Variants in DYNC2H1 observed in about 807,000 individuals in gnomAD.
DYNC2H1 encodes the protein cytoplasmic dynein 2 heavy chain 1.
A neutral mutation model predicts 570.0 loss-of-function variants in DYNC2H1; 410 were observed. The ratio of observed to expected loss-of-function variants is 0.72; its 90% CI spans 0.66 to 0.78. The LOEUF (loss-of-function observed/expected upper bound fraction) is 0.78, where lower values mean the gene tolerates loss of function less well. Among genes scored for constraint, DYNC2H1 ranks in the 30% least tolerant of loss-of-function variants. DYNC2H1 has a pLI of 0.00. For missense variants in DYNC2H1, 4,865 were observed against 5,046.4 expected (o/e 0.96, Z 1.09); for synonymous variants, 1,688 against 1,677.6 (o/e 1.01, Z -0.15).
intron 84 of DYNC2H1, among the ~76,000 whole-genome samples, chr11:103,420,969 T>G (rs1314068040): frequency 1.3e-5 from 2 of 152,090 alleles, no homozygotes; most frequent in Non-Finnish European, 2.9e-5. Context: ...TGGTATGCTG[T>G]CCTCGAGAGA....
chr11:103,415,328 A>G (rs193103332), intron 84 of DYNC2H1, among the ~76,000 whole-genome samples: 337 of 152,354 alleles, frequency 2.2e-3, no homozygotes, highest in Non-Finnish European at 4.0e-3. Context: ...ATGAGATCTA[A>G]TTAAACTAAA....
intron 84 of DYNC2H1, among the ~76,000 whole-genome samples, chr11:103,429,045 G>C (rs1297129257): frequency 3.9e-5 from 4 of 101,944 alleles, no homozygotes; most frequent in African/African-American, 9.4e-5. Context: ...CAGATCACTT[G>C]AGCCTAGGAG....
At chr11:103,172,198 C>T (rs987248116) in intron 34 of DYNC2H1, among the ~76,000 whole-genome samples, 1 of 152,096 alleles carries the variant, frequency 6.6e-6, no homozygotes, top group Admixed American at 6.6e-5. Context: ...GTGAGAATTA[C>T]CTGCCTTCAA....
intron 82 of DYNC2H1, among the ~76,000 whole-genome samples, chr11:103,349,247 A>G (rs368867078): frequency 1.9e-3 from 292 of 152,242 alleles, no homozygotes; most frequent in South Asian, 9.7e-3. Context: ...CTTTTAATTA[A>G]CTGCAAAACT....
At chr11:103,211,684 A>G in intron 53 of DYNC2H1, 105 bp from the exon 54 acceptor site, 1 of 477,480 alleles carries the variant, frequency 2.1e-6, no homozygotes, top group Non-Finnish European at 3.5e-6. Context: ...ATAACTATAT[A>G]GCATGGAAGT....
At chr11:103,433,661 A>G (rs1943969913) in intron 84 of DYNC2H1, among the ~76,000 whole-genome samples, 1 of 152,122 alleles carries the variant, frequency 6.6e-6, no homozygotes, top group South Asian at 2.1e-4. Flanking sequence ...CCTCACATGC[A>G]AAATACAACC....
rs1307551296 is a variant in DYNC2H1 at position 103,324,478 on chromosome 11, C to T, written c.12039+488C>T. Among the ~76,000 whole-genome samples the T allele has an allele frequency of 6.6e-6, 1 of 152,176 alleles. No homozygotes were observed. Among genetic ancestry groups the T allele is most frequent in the Non-Finnish European group, 1.5e-5 (1 of 68,026 alleles). On this transcript the variant is annotated intron_variant, in intron 82 of 88. Coordinates refer to ENST00000375735, the MANE Select transcript of DYNC2H1 (RefSeq NM_001377.3). This position sits in a 1 kb window ranked among gnomAD's most constrained non-coding sequence, Gnocchi z 5.2. ...TATGAAAATGATCTCCAGCTCCATC[C>T]ATCCTTGCTGTGAAGGACATGGTCT...
At chr11:103,174,235 T>C in intron 36 of DYNC2H1, 65 bp downstream of exon 36, 1 of 1,362,194 alleles carries the variant, frequency 7.3e-7, no homozygotes, top group Non-Finnish European at 1.0e-6. Context: ...TTTAGAATAG[T>C]TTGAGATTTA....
At chr11:103,382,333 A>AT (rs1260315804) in intron 83 of DYNC2H1, among the ~76,000 whole-genome samples, 2 of 152,116 alleles carry the variant, frequency 1.3e-5, no homozygotes, top group Non-Finnish European at 2.9e-5. Context: ...CAGTAACTAT[A>AT]TTTTTGTCCA....
At chr11:103,195,106 C>T (rs1212039330) in intron 47 of DYNC2H1, among the ~76,000 whole-genome samples, 1 of 152,054 alleles carries the variant, frequency 6.6e-6, no homozygotes, top group Non-Finnish European at 1.5e-5. Context: ...ATATATTCTC[C>T]CTCTCAGTAG....
chr11:103,153,630 A>G, intron 22 of DYNC2H1, 122 bp downstream of exon 22: 1 of 907,166 alleles, frequency 1.1e-6, no homozygotes. Context: ...CACTTTTTAA[A>G]CTACAAATAA....
intron 31 of DYNC2H1, among the ~76,000 whole-genome samples, chr11:103,167,519 C>T (rs1016377605): frequency 5.3e-5 from 8 of 152,074 alleles, no homozygotes; most frequent in Non-Finnish European, 8.8e-5. Flanking sequence ...CCTCCTGCCT[C>T]GGCCTCCCAA....
chr11:103,275,670 T>C lies in DYNC2H1; in HGVS notation c.10696-4678T>C, dbSNP rs950873494. ...CTTACTATTGTACGTTTAAGGTTCT[T>C]TCATGTTTTTTTCATGGTGTAATAT... On this transcript the variant is annotated intron_variant, in intron 70 of 88. Coordinates refer to ENST00000375735, the MANE Select transcript of DYNC2H1 (RefSeq NM_001377.3). The surrounding 1 kb of genome is among the most constrained non-coding windows in gnomAD (Gnocchi z 4.8). Among the ~76,000 whole-genome samples the C allele has an allele frequency of 6.6e-6, 1 of 152,178 alleles. No individual in the cohort carries two copies. Among genetic ancestry groups the C allele is most frequent in the Non-Finnish European group, 1.5e-5 (1 of 68,024 alleles).
chr11:103,311,846 A>T, intron 78 of DYNC2H1, 32 bp from the exon 79 acceptor site: 1 of 1,569,498 alleles, frequency 6.4e-7, no homozygotes, highest in Admixed American at 2.0e-5. Flanking sequence ...GTAGGATTTT[A>T]GCAATAGGAT....
chr11:103,115,132 TCTCTGATATTCTATGCCA>T, intron 3 of DYNC2H1, 27 bp from the exon 4 acceptor site: 1 of 1,399,196 alleles, frequency 7.1e-7, no homozygotes, highest in Admixed American at 2.0e-5. Flanking sequence ...CATTTTTTTT[TCTCTGATATTCTATGCCA>T]TTTTTTTCCC....
At chr11:103,263,321 A>G (rs1312293224) in intron 70 of DYNC2H1, among the ~76,000 whole-genome samples, 3 of 152,178 alleles carry the variant, frequency 2.0e-5, no homozygotes, top group Non-Finnish European at 4.4e-5. Flanking sequence ...TAACAAGGGT[A>G]TTCAGGAGTC....
chr11:103,365,339 C>T (rs1288353917), intron 83 of DYNC2H1, among the ~76,000 whole-genome samples: 2 of 147,440 alleles, frequency 1.4e-5, no homozygotes, highest in East Asian at 4.0e-4. Context: ...CCAGCCTGGG[C>T]AACAAGAGCG....
intron 48 of DYNC2H1, among the ~76,000 whole-genome samples, chr11:103,198,362 A>T (rs1862583247): frequency 6.6e-6 from 1 of 152,190 alleles, no homozygotes. Flanking sequence ...AGAGAGCATT[A>T]GAGTCATGTA....
In DYNC2H1 at chr11:103,406,255, G is replaced by A. The variant is rs536989134; in HGVS notation, c.12366+6383G>A. 5.3e-5 allele frequency: 8 copies of A among 151,998 alleles called. No homozygotes were observed. In the South Asian group the frequency reaches 1.2e-3, roughly 24 times the overall value. 9.4% of individuals were successfully genotyped at this position (151,998 alleles called of 1,614,324 possible). On this transcript the variant is annotated intron_variant, in intron 84 of 88. Transcript: ENST00000375735. ...TTATTGGAGAGATGGGTAAAAGGAG[G>A]GGTAGAAGAAATAAGTGAGAGGAGG...
Sources: gnomAD v4.1 joint callset for allele counts (sites outside exome capture counted in the v4.1 genomes callset) on GRCh38, gnomAD v4.1.1 for gene constraint, Gnocchi (gnomAD v3.1) non-coding constraint, MANE v1.5 for transcripts, NCBI Gene and HGNC (gene_info 2026-07-23, HGNC 2026-07-21) for gene names.